SPOCK3: variants seen among roughly 807,000 people sequenced by gnomAD.
SPOCK3 encodes the protein testican-3.
Under a neutral mutation model 56.6 loss-of-function variants are expected in SPOCK3, and 30 were observed. The ratio of observed to expected loss-of-function variants is 0.53; its 90% CI spans 0.40 to 0.72. The LOEUF is 0.72. Ranked by LOEUF, SPOCK3 falls within the 30% of genes least tolerant of loss-of-function variation. SPOCK3 has a pLI of 0.00. For synonymous variants in SPOCK3, 196 were observed against 183.3 expected (o/e 1.07, Z -0.56); for missense variants, 527 against 530.0 (o/e 0.99, Z 0.06).
intron 3 of SPOCK3, among the ~76,000 whole-genome samples, chr4:167,051,480 C>G (rs531633337): frequency 1.3e-5 from 2 of 152,232 alleles, no homozygotes; most frequent in East Asian, 3.9e-4. Context: ...TTTCCATAAA[C>G]AATCGTGCTA....
In SPOCK3 at chr4:166,981,309, C is replaced by T. The variant is rs547336064; in HGVS notation, c.350+19040G>A. On this transcript the variant is annotated intron_variant, in intron 4 of 10. Coordinates refer to ENST00000357545, the MANE Select transcript of SPOCK3 (RefSeq NM_001040159.2). ...AGAGGAGAATGGAAGCTCCTATCCACAGGCAGGTCATCCCAACAAGTGTCC... is the reference window on the plus strand; with the variant it reads ...AGAGGAGAATGGAAGCTCCTATCCATAGGCAGGTCATCCCAACAAGTGTCC... Among the ~76,000 whole-genome samples, 30 of 152,052 alleles carry T rather than the reference C, an allele frequency of 2.0e-4. No individual in the cohort carries two copies. The South Asian group carries it at 4.4e-3, about 22-fold the overall frequency.
chr4:166,997,947 G>A lies in SPOCK3; in HGVS notation c.350+2402C>T, dbSNP rs79289356. 4.8e-3 allele frequency among the ~76,000 whole-genome samples: 726 copies of A among 152,128 alleles called. 4 individuals carry two copies. Among genetic ancestry groups the A allele is most frequent in the African/African-American group, 0.014 (599 of 41,514 alleles). On this transcript the variant is annotated intron_variant, in intron 4 of 10. Transcript: ENST00000357545. ...TGGACAAAAATTGATCAATTAAGCC[G>A]TCTTTCCCTGCTTTCTCTACCACAT...
At chr4:166,995,707 G>C (rs151012728) in intron 4 of SPOCK3, among the ~76,000 whole-genome samples, 1,877 of 152,114 alleles carry the variant, frequency 0.012, 18 homozygotes, top group Non-Finnish European at 0.019. Context: ...TAGCATCACT[G>C]TAAAAGCTAA....
intron 7 of SPOCK3, among the ~76,000 whole-genome samples, chr4:166,780,543 A>G (rs1303431724): frequency 6.6e-6 from 1 of 152,102 alleles, no homozygotes; most frequent in Non-Finnish European, 1.5e-5. Context: ...TTAAATTCCT[A>G]GGGGTAAGCC....
At chr4:166,913,884 C>T (rs924878439) in intron 4 of SPOCK3, among the ~76,000 whole-genome samples, 8 of 152,022 alleles carry the variant, frequency 5.3e-5, no homozygotes, top group Admixed American at 5.2e-4. Flanking sequence ...CACATTAAAA[C>T]CTTGCTTTGC....
chr4:166,998,530 G>T (rs1471212379), intron 4 of SPOCK3, among the ~76,000 whole-genome samples: 1 of 152,104 alleles, frequency 6.6e-6, no homozygotes, highest in African/African-American at 2.4e-5. Context: ...TTGAAGCTCT[G>T]AAAATTTCTA....
intron 4 of SPOCK3, among the ~76,000 whole-genome samples, chr4:166,928,346 T>C (rs373989784): frequency 7.9e-5 from 12 of 152,340 alleles, no homozygotes; most frequent in East Asian, 1.9e-4. Context: ...CAGTAAGTGA[T>C]TGAATAAACT....
chr4:167,050,147 G>T (rs907150903), intron 3 of SPOCK3, among the ~76,000 whole-genome samples: 2 of 152,044 alleles, frequency 1.3e-5, no homozygotes, highest in Non-Finnish European at 2.9e-5. Flanking sequence ...AAGCCCTTTG[G>T]TACCTGCTTC....
At chr4:167,193,805 T>C (rs2110866848) in intron 2 of SPOCK3, among the ~76,000 whole-genome samples, 1 of 145,722 alleles carries the variant, frequency 6.9e-6, no homozygotes, top group South Asian at 2.1e-4. Context: ...ATTTTTTCTC[T>C]GTCTGACTTT....
At chr4:167,182,685 G>A (rs1280864337) in intron 2 of SPOCK3, among the ~76,000 whole-genome samples, 5 of 151,978 alleles carry the variant, frequency 3.3e-5, no homozygotes, top group East Asian at 1.9e-4. Context: ...GATGGCCCGC[G>A]CGCCACTATG....
rs182826855 is a variant in SPOCK3, at chr4:166,931,594, A to G, written c.351-18851T>C. On this transcript the variant is annotated intron_variant, in intron 4 of 10. Coordinates refer to ENST00000357545, the MANE Select transcript of SPOCK3 (RefSeq NM_001040159.2). The stretch of plus-strand genomic sequence containing the variant: ...ATACTCTGTAATACATAAGTGCTCA[A>G]AAATATTTATTTTAAAAACCGTGAA... Among the ~76,000 whole-genome samples the G allele has an allele frequency of 1.5e-3, 223 of 152,308 alleles. 8 individuals are homozygous for G. The East Asian group carries it at 0.029, about 20-fold the overall frequency.
At chr4:166,857,982 T>C (rs1469816386) in intron 6 of SPOCK3, among the ~76,000 whole-genome samples, 2 of 152,202 alleles carry the variant, frequency 1.3e-5, no homozygotes, top group Non-Finnish European at 2.9e-5. Context: ...CCCTGGCCAA[T>C]TCTTTTAGCC....
chr4:167,157,652 CT>C (rs71604471), intron 2 of SPOCK3, among the ~76,000 whole-genome samples: 1,530 of 149,482 alleles, frequency 0.01, 23 homozygotes, highest in African/African-American at 0.035. Context: ...TTGTTTAAAA[CT>C]TTTTTTTTAA....
At chr4:166,763,426 A>G (rs927921373) in intron 7 of SPOCK3, among the ~76,000 whole-genome samples, 2 of 152,140 alleles carry the variant, frequency 1.3e-5, no homozygotes, top group African/African-American at 4.8e-5. Context: ...TAATAATACC[A>G]TGACAGAGAA....
At chr4:167,160,538 CTACTT>C (rs999353941) in intron 2 of SPOCK3, among the ~76,000 whole-genome samples, 3 of 151,932 alleles carry the variant, frequency 2.0e-5, no homozygotes, top group African/African-American at 7.3e-5. Context: ...TTGGAAAAAA[CTACTT>C]TAAAGTTCAT....
chr4:167,234,420 C>T (rs1355931614), intron 1 of SPOCK3, 30 bp downstream of exon 1: 6 of 571,502 alleles, frequency 1.0e-5, no homozygotes, highest in Admixed American at 6.0e-5. Context: ...GCAGCCCGAG[C>T]GGGCACAAAA....
chr4:166,952,211 AG>A (rs1742738123), intron 4 of SPOCK3, among the ~76,000 whole-genome samples: 1 of 152,194 alleles, frequency 6.6e-6, no homozygotes, highest in South Asian at 2.1e-4. Flanking sequence ...AATCTCCTTA[AG>A]CTGATAAGCA....
chr4:167,155,941 C>A (rs916834312), intron 2 of SPOCK3, among the ~76,000 whole-genome samples: 5 of 151,484 alleles, frequency 3.3e-5, no homozygotes, highest in African/African-American at 1.2e-4. Context: ...ACCTTCGTAA[C>A]AAAACTTCAT....
chr4:166,861,691 T>C (rs1481591530), intron 6 of SPOCK3, among the ~76,000 whole-genome samples: 1 of 152,126 alleles, frequency 6.6e-6, no homozygotes, highest in Non-Finnish European at 1.5e-5. Context: ...GAACTCATGC[T>C]GGTCATCCAC....
Sources: gnomAD v4.1 joint callset for allele counts (sites outside exome capture counted in the v4.1 genomes callset) on GRCh38, gnomAD v4.1.1 for gene constraint, MANE v1.5 for transcripts, NCBI Gene and HGNC (gene_info 2026-07-23, HGNC 2026-07-21) for gene names.